The following COMMD5 variants were observed in gnomAD, a reference collection of about 807,000 sequenced individuals.
COMMD5 encodes the protein COMM domain-containing protein 5.
A neutral mutation model predicts 6.9 loss-of-function variants in COMMD5; 10 were observed. The observed-to-expected ratio is 1.44, with a 90% CI of 0.89 to 2.45. The LOEUF (loss-of-function observed/expected upper bound fraction) is 2.45. Among genes scored for constraint, COMMD5 ranks in the 30% most tolerant of loss-of-function variants. The pLI is 0.00. For missense variants in COMMD5, 234 were observed against 287.8 expected (o/e 0.81, Z 1.35); for synonymous variants, 127 against 125.3 (o/e 1.01, Z -0.09).
intron 1 of COMMD5, among the ~76,000 whole-genome samples, chr8:144,843,995 G>C (rs11988456): frequency 0.033 from 4,999 of 152,232 alleles, 272 homozygotes; most frequent in African/African-American, 0.11. Flanking sequence ...GGCTGGGCTA[G>C]CAGGTACACG....
In COMMD5 at chr8:144,851,123, C is replaced by T; in HGVS notation, c.216G>A (p.Gly72=). The stretch of plus-strand genomic sequence containing the variant: ...GCTCCTCCGGCAGGTTGGCGCTGAC[C>T]CCAAGACGCTGCACAGCCTCTCGGC... ...EDCREAVQRL[G]VSANLPEEQL... is the part of the protein sequence containing the mutation. Residue 72 remains glycine (G), a synonymous_variant, in exon 2 of 2, where the codon GGG becomes GGA. Transcript: ENST00000305103. 3 of 1,612,826 alleles carry T rather than the reference C, an allele frequency of 1.9e-6. No homozygotes were observed. Among genetic ancestry groups the T allele is most frequent in the Non-Finnish European group, 2.5e-6 (3 of 1,179,922 alleles).
chr8:144,852,525 G>C (rs1830793148), intron 1 of COMMD5: 1 of 152,290 alleles, frequency 6.6e-6, no homozygotes, highest in Non-Finnish European at 1.5e-5. Context: ...GCACAGCGCT[G>C]GGGGAGCCCA....
downstream of COMMD5, chr8:144,838,049 G>A (rs1326029017): frequency 1.4e-6 from 1 of 693,554 alleles, no homozygotes; most frequent in Admixed American, 2.0e-5. Context: ...TCAGCAAGCA[G>A]GGCCGTGCCC....
exon 2 of COMMD5, chr8:144,841,298 C>T: frequency 6.6e-7 from 1 of 1,520,356 alleles, no homozygotes; most frequent in South Asian, 1.3e-5. Context: ...CATTTGTAGT[C>T]TTATCATTTC....
intron 1 of COMMD5, chr8:144,842,645 T>C (rs1563845129): frequency 6.2e-7 from 1 of 1,614,170 alleles, no homozygotes; most frequent in Admixed American, 1.7e-5. Flanking sequence ...TCCAGCCTTA[T>C]TTACCATCAG....
chr8:144,842,894 TTATTGAACACCAGAGAATACACAC>T, intron 1 of COMMD5: 1 of 1,614,232 alleles, frequency 6.2e-7, no homozygotes, highest in Non-Finnish European at 8.5e-7. Flanking sequence ...AGCTCATATC[TTATTGAACACCAGAGAATACACAC>T]TAGGGCCCAG....
intron 1 of COMMD5, chr8:144,843,131 C>T: frequency 1.2e-6 from 2 of 1,606,368 alleles, no homozygotes; most frequent in Non-Finnish European, 1.7e-6. Flanking sequence ...AATCGTAGCT[C>T]AAGGCTTACC....
At chr8:144,841,456 C>G (rs753335938) in exon 2 of COMMD5, 3 of 1,614,232 alleles carry the variant, frequency 1.9e-6, no homozygotes, top group African/African-American at 2.7e-5. Context: ...ACAGGACTTT[C>G]CTCAGAATCC....
rs375879091 is a variant in COMMD5, at chr8:144,842,807, C to T, written c.*117-1064G>A. ...GGGAAAGCCTTCAGTCAAAACTCAA[C>T]CCTTTTCCAACACCAGATAATTCAT... is the stretch of plus-strand genomic sequence containing the variant. On this transcript the variant is annotated intron_variant and NMD_transcript_variant, in intron 1 of 1. Coordinates refer to the COMMD5 transcript ENST00000530332. 3 of 1,614,050 alleles carry T rather than the reference C, an allele frequency of 1.9e-6. No individual in the cohort carries two copies. The African/African-American group carries it at 4.0e-5, about 22-fold the overall frequency.
chr8:144,853,260 C>A (rs1748553574), upstream of COMMD5: 1 of 152,052 alleles, frequency 6.6e-6, no homozygotes, highest in South Asian at 2.1e-4. Context: ...GTTGTGTTTC[C>A]GTTTCTGAGG....
At chr8:144,852,484 CCTG>C in intron 1 of COMMD5, 1 of 152,372 alleles carries the variant, frequency 6.6e-6, no homozygotes, top group Non-Finnish European at 1.5e-5. Flanking sequence ...GGGCACAGCT[CCTG>C]TCCTCGAGGC....
At chr8:144,850,049 C>T (rs766651946), downstream of COMMD5, 19 of 153,200 alleles carry the variant, frequency 1.2e-4, no homozygotes, top group Non-Finnish European at 2.5e-4. This position sits in a 1 kb window ranked among gnomAD's most constrained non-coding sequence, Gnocchi z 4.0. Flanking sequence ...TGCTGCTCCC[C>T]TCAGAGCGCT....
At position 144,851,015 on chromosome 8, in the gene COMMD5, G is replaced by T; in HGVS notation, c.324C>A (p.Thr108=). The change falls in exon 2 of 2, where the codon ACC becomes ACA. Residue 108 remains threonine (T), a synonymous_variant. Transcript: ENST00000305103. ...AGAGCTCCTGGAGCTGGTCCCTGAA[G>T]GTGTCAGGCTTCAGGCTGGTGGGGG... ...RLPPTSLKPD[T]FRDQLQELCI... 1 of 1,612,686 alleles carries T rather than the reference G, an allele frequency of 6.2e-7. No homozygotes were observed. The highest frequency in any genetic ancestry group is 1.3e-5 in the African/African-American group (1 of 75,056).
At chr8:144,842,025 C>G (rs927110422) in intron 1 of COMMD5, 1 of 1,613,788 alleles carries the variant, frequency 6.2e-7, no homozygotes, top group Non-Finnish European at 8.5e-7. Flanking sequence ...AGAAGCCCTA[C>G]AGATGTGAGG....
In COMMD5 at chr8:144,851,074, T is replaced by G; in HGVS notation, c.265A>C (p.Met89Leu). Reference sequence around the variant, plus strand: ...AGGGCCTGCTGGAGCAGTGTGTGCATGCCTGCCAGCAGGGCACCCAGCTGC... The same window carrying G: ...AGGGCCTGCTGGAGCAGTGTGTGCAGGCCTGCCAGCAGGGCACCCAGCTGC... ...EEQLGALLAG[M>L]HTLLQQALRL... Residue 89 changes from methionine to leucine, a missense_variant, in exon 2 of 2, where the codon ATG becomes CTG. Physicochemically the swap from Met to Leu is conservative, Grantham distance 15. Coordinates refer to ENST00000305103, the MANE Select transcript of COMMD5 (RefSeq NM_014066.4). 1 of 1,612,336 alleles carries G rather than the reference T, an allele frequency of 6.2e-7. No homozygotes were observed. Among genetic ancestry groups the G allele is most frequent in the South Asian group, 1.1e-5 (1 of 91,000 alleles).
At chr8:144,846,633 T>G (rs139307053), downstream of COMMD5, 1,446 of 160,192 alleles carry the variant, frequency 9.0e-3, 23 homozygotes, top group African/African-American at 0.032. Context: ...GCTGGGTCAG[T>G]TCAATAGAAG....
downstream of COMMD5, chr8:144,840,945 G>A (rs768130873): frequency 5.2e-5 from 9 of 174,484 alleles, no homozygotes; most frequent in African/African-American, 9.5e-5. Flanking sequence ...TCTCCATTCA[G>A]AACTCAGACC....
At position 144,850,952 on chromosome 8, in the gene COMMD5, C is replaced by A. The variant is rs1444602443; in HGVS notation, c.387G>T (p.Val129=). ...PQDLVGDLAS[V]VFGSQRPLLD... ...GGAGGGGCCGCTGGCTCCCAAATAC[C>A]ACGCTGGCCAAGTCCCCGACCAGGT... Residue 129 remains valine (V), a synonymous_variant, in exon 2 of 2, where the codon GTG becomes GTT. Transcript: ENST00000305103. This position sits in a 1 kb window ranked among gnomAD's most constrained non-coding sequence, Gnocchi z 4.0. 6.2e-7 allele frequency: 1 copy of A among 1,608,936 alleles called. No homozygotes were observed. Among genetic ancestry groups the A allele is most frequent in the African/African-American group, 1.3e-5 (1 of 74,810 alleles).
Position 144,852,890 on chromosome 8 carries a change from C to G in COMMD5, c.-109G>C, listed in dbSNP as rs1237158349. 6.6e-6 allele frequency: 1 copy of G among 152,374 alleles called. No individual in the cohort carries two copies. Among genetic ancestry groups the G allele is most frequent in the African/African-American group, 2.4e-5 (1 of 41,468 alleles). The allele number at this position is 152,374 out of a possible 1,614,324, so 9.4% of individuals were successfully genotyped here. Reference sequence around the variant, plus strand: ...CCCGCAGTATCCAGAGCTCTCCGAACACAGCGGCGAAGCAGCCTTTCCTAG... The same window carrying G: ...CCCGCAGTATCCAGAGCTCTCCGAAGACAGCGGCGAAGCAGCCTTTCCTAG... On this transcript the variant is annotated 5_prime_UTR_variant, in exon 1 of 2. Coordinates refer to ENST00000305103, the MANE Select transcript of COMMD5 (RefSeq NM_014066.4).
Sources: gnomAD v4.1 joint callset for allele counts (sites outside exome capture counted in the v4.1 genomes callset) on GRCh38, gnomAD v4.1.1 for gene constraint, Gnocchi (gnomAD v3.1) non-coding constraint, MANE v1.5 for transcripts, NCBI Gene and HGNC (gene_info 2026-07-23, HGNC 2026-07-21) for gene names.